The following ZNF438 variants were observed in gnomAD, a reference collection of about 807,000 sequenced individuals.
The protein encoded by ZNF438 is zinc finger protein 438.
ZNF438 carries 25 observed loss-of-function variants against 38.0 expected under a neutral mutation model. The observed-to-expected ratio is 0.66, with a 90% confidence interval of 0.48 to 0.92. ZNF438 has a LOEUF of 0.92. ZNF438 is among the 40% of genes least tolerant of loss of function. The pLI is 0.00. For synonymous variants in ZNF438, 372 were observed against 364.1 expected, an observed-to-expected ratio of 1.02 and a Z score of -0.25; for missense variants, 1,007 against 999.6, an observed-to-expected ratio of 1.01 and a Z score of -0.10.
At chr10:30,860,919 C>A (rs2035472227) in intron 4 of ZNF438, among the ~76,000 whole-genome samples, 1 of 151,700 alleles carries the variant, frequency 6.6e-6, no homozygotes, top group Admixed American at 6.6e-5. Context: ...GGGGATGGGG[C>A]CCAGAGTGGG....
chr10:30,905,989 G>A (rs1320935087), intron 3 of ZNF438, among the ~76,000 whole-genome samples: 1 of 152,160 alleles, frequency 6.6e-6, no homozygotes, highest in East Asian at 1.9e-4. Flanking sequence ...TTGAAATTGA[G>A]AATGGGGAGT....
At chr10:30,942,683 C>T (rs924478398) in intron 1 of ZNF438, among the ~76,000 whole-genome samples, 8 of 152,188 alleles carry the variant, frequency 5.3e-5, no homozygotes, top group African/African-American at 1.9e-4. Flanking sequence ...CGATGACTTG[C>T]GTCATTTCTG....
chr10:30,976,239 G>A (rs2136314539), intron 1 of ZNF438, among the ~76,000 whole-genome samples: 1 of 152,200 alleles, frequency 6.6e-6, no homozygotes, highest in Admixed American at 6.5e-5. Flanking sequence ...GAACAATTTG[G>A]AAACAAATTT....
rs944197651 is a variant in ZNF438 at position 30,916,529 on chromosome 10, T to C, written c.-114-7514A>G. Among the ~76,000 whole-genome samples the C allele has an allele frequency of 2.0e-5, 3 of 151,714 alleles. No homozygotes were observed. The East Asian group carries it at 5.8e-4, about 29-fold the overall frequency. On this transcript the variant is annotated intron_variant, in intron 2 of 5. Transcript: ENST00000413025. ...CCTTCTCTCCAGCTATCCTTTTTTG[T>C]TGTTGTTGTTTTTGCTTTCCTTTAT...
chr10:30,848,611 A>G, exon 5 of ZNF438: 1 of 1,614,120 alleles, frequency 6.2e-7, no homozygotes. Context: ...CACTGGGCGC[A>G]GGCTCAGTGC....
chr10:31,002,130 C>T (rs983766498), intron 1 of ZNF438, among the ~76,000 whole-genome samples: 3 of 152,190 alleles, frequency 2.0e-5, no homozygotes, highest in African/African-American at 7.2e-5. Context: ...GGGTCCATTT[C>T]CTTAAAGCCT....
chr10:30,907,861 C>A (rs1320861549), intron 3 of ZNF438, among the ~76,000 whole-genome samples: 1 of 151,696 alleles, frequency 6.6e-6, no homozygotes, highest in Non-Finnish European at 1.5e-5. Flanking sequence ...CTTCCTTCTG[C>A]TTGTTTAGGT....
chr10:30,968,018 T>A (rs772216515), intron 1 of ZNF438, among the ~76,000 whole-genome samples: 75 of 151,952 alleles, frequency 4.9e-4, no homozygotes, highest in Non-Finnish European at 9.3e-4. Context: ...AAAAGACATT[T>A]TATATATATA....
intron 3 of ZNF438, among the ~76,000 whole-genome samples, chr10:30,901,923 G>C (rs772032393): frequency 3.3e-5 from 5 of 151,712 alleles, no homozygotes; most frequent in Admixed American, 6.6e-5. Flanking sequence ...CTTTCGCTGT[G>C]AGTGTTACAG....
At chr10:30,875,058 T>C (rs914015879) in intron 4 of ZNF438, among the ~76,000 whole-genome samples, 1 of 152,194 alleles carries the variant, frequency 6.6e-6, no homozygotes, top group Non-Finnish European at 1.5e-5. Context: ...TAAGCTATTA[T>C]ATATCCTCTG....
At chr10:30,896,145 A>C (rs1022517954) in intron 3 of ZNF438, among the ~76,000 whole-genome samples, 4 of 151,912 alleles carry the variant, frequency 2.6e-5, no homozygotes, top group Non-Finnish European at 5.9e-5. Context: ...AATACAAAAA[A>C]ATTAGCTGGG....
At chr10:30,887,060 C>T (rs529714852) in intron 3 of ZNF438, among the ~76,000 whole-genome samples, 10 of 152,260 alleles carry the variant, frequency 6.6e-5, no homozygotes, top group South Asian at 2.1e-4. Context: ...GTCTTTCATA[C>T]GCAAACCAAC....
intron 2 of ZNF438, among the ~76,000 whole-genome samples, chr10:30,917,149 AG>A (rs1439256339): frequency 2.0e-5 from 3 of 152,078 alleles, no homozygotes; most frequent in Admixed American, 1.3e-4. Flanking sequence ...CCCATCCCCT[AG>A]AAGCAACGAC....
At chr10:31,010,892 GAAAAAAAAAAA>G (rs563189482) in intron 1 of ZNF438, among the ~76,000 whole-genome samples, 47,922 of 91,732 alleles carry the variant, frequency 0.52, 11,572 homozygotes, top group Middle Eastern at 0.58. Context: ...GACCCTGTTT[GAAAAAAAAAAA>G]AAAAAAAAAA....
chr10:31,019,457 AT>A (rs1296125807), intron 1 of ZNF438, among the ~76,000 whole-genome samples: 1 of 152,242 alleles, frequency 6.6e-6, no homozygotes, highest in Non-Finnish European at 1.5e-5. Context: ...ACATGGAAAA[AT>A]TTTGATGGCG....
chr10:30,874,961 G>A (rs1277272175), intron 4 of ZNF438, among the ~76,000 whole-genome samples: 12 of 152,012 alleles, frequency 7.9e-5, no homozygotes, highest in African/African-American at 2.7e-4. Flanking sequence ...TAAGGTTTAC[G>A]TCTAACTTAT....
At chr10:30,856,580 C>T (rs2034669918) in intron 4 of ZNF438, among the ~76,000 whole-genome samples, 1 of 152,150 alleles carries the variant, frequency 6.6e-6, no homozygotes, top group Non-Finnish European at 1.5e-5. Flanking sequence ...AAAACTCTCA[C>T]CTGCACCCAC....
chr10:30,951,750 G>C lies in ZNF438; in HGVS notation c.-191-10099C>G, dbSNP rs1252731126. Among the ~76,000 whole-genome samples the C allele has an allele frequency of 4.7e-5, 7 of 149,656 alleles. 1 individual carries two copies. Among genetic ancestry groups the C allele is most frequent in the African/African-American group, 1.5e-4 (6 of 41,118 alleles). ...AACCACTGCTCAATGAAATAAAAGA[G>C]GATACAAACAAATGGAAGAACATTC... On this transcript the variant is annotated intron_variant, in intron 1 of 5. Transcript: ENST00000413025.
intron 1 of ZNF438, among the ~76,000 whole-genome samples, chr10:30,982,113 T>TTA (rs1491216024): frequency 3.6e-5 from 5 of 139,596 alleles, no homozygotes; most frequent in African/African-American, 1.3e-4. Flanking sequence ...TTTTTTTTTT[T>TTA]ATTTTTGAGA....
Sources: gnomAD v4.1 joint callset for allele counts (sites outside exome capture counted in the v4.1 genomes callset) on GRCh38, gnomAD v4.1.1 for gene constraint, MANE v1.5 for transcripts, NCBI Gene and HGNC (gene_info 2026-07-23, HGNC 2026-07-21) for gene names.